The following TGFBR3 variants were observed in gnomAD, a reference collection of about 807,000 sequenced individuals.
TGFBR3 encodes transforming growth factor beta receptor 3.
A neutral mutation model predicts 87.9 loss-of-function variants in TGFBR3; 46 were observed. The observed-to-expected ratio is 0.52, with a 90% CI of 0.41 to 0.67. The LOEUF (loss-of-function observed/expected upper bound fraction) is 0.67. Among genes scored for constraint, TGFBR3 ranks in the 30% least tolerant of loss-of-function variants. TGFBR3 has a pLI of 0.00. For missense variants in TGFBR3, 866 were observed against 1,041.9 expected (o/e 0.83, Z 2.32); for synonymous variants, 381 against 391.6 (o/e 0.97, Z 0.32).
intron 13 of TGFBR3, among the ~76,000 whole-genome samples, chr1:91,710,145 G>A (rs942132584): frequency 6.6e-5 from 10 of 152,168 alleles, no homozygotes; most frequent in Admixed American, 4.6e-4. Flanking sequence ...ATCCCAAAAA[G>A]CTAATCAAGT....
intron 6 of TGFBR3, 158 bp from the exon 7 acceptor site, chr1:91,727,964 G>A (rs1672606777): frequency 1.3e-6 from 1 of 754,562 alleles, no homozygotes; most frequent in Non-Finnish European, 2.2e-6. Flanking sequence ...GATTGTTACT[G>A]CACACATAAC....
At chr1:91,833,274 C>T (rs1348321982) in intron 2 of TGFBR3, among the ~76,000 whole-genome samples, 11 of 113,846 alleles carry the variant, frequency 9.7e-5, no homozygotes, top group African/African-American at 3.2e-4. Context: ...CCAGCCCAGG[C>T]GACAGTAGGA....
At chr1:91,740,220 C>T (rs191503224) in intron 4 of TGFBR3, among the ~76,000 whole-genome samples, 26 of 151,922 alleles carry the variant, frequency 1.7e-4, no homozygotes, top group South Asian at 4.2e-4. Context: ...CCACCACATC[C>T]GGCTAATTTT....
chr1:91,753,614 C>T (rs542758717), intron 4 of TGFBR3, among the ~76,000 whole-genome samples: 19 of 152,106 alleles, frequency 1.2e-4, no homozygotes, highest in African/African-American at 4.6e-4. Flanking sequence ...CCATTTTCCC[C>T]TCCCATCAGC....
chr1:91,775,436 T>C (rs1239396225), intron 3 of TGFBR3, among the ~76,000 whole-genome samples: 2 of 152,232 alleles, frequency 1.3e-5, no homozygotes, highest in African/African-American at 2.4e-5. Flanking sequence ...ATTTGGCCTC[T>C]TCTTCACCCA....
At chr1:91,787,689 C>G (rs933018682) in intron 3 of TGFBR3, among the ~76,000 whole-genome samples, 1 of 152,250 alleles carries the variant, frequency 6.6e-6, no homozygotes, top group African/African-American at 2.4e-5. Flanking sequence ...TCAAGAACCC[C>G]CGAGGTTAGG....
At chr1:91,771,153 C>T (rs1422653247) in intron 3 of TGFBR3, among the ~76,000 whole-genome samples, 4 of 152,126 alleles carry the variant, frequency 2.6e-5, no homozygotes, top group Non-Finnish European at 4.4e-5. Context: ...GGTTAATAAG[C>T]GTGAAGTTAC....
At chr1:91,864,417 C>T (rs1015402886) in intron 1 of TGFBR3, 3 of 152,224 alleles carry the variant, frequency 2.0e-5, no homozygotes, top group Non-Finnish European at 4.4e-5. Flanking sequence ...CAAAGGCAAA[C>T]CACAGCAAGT....
chr1:91,884,913 T>A (rs989369697), intron 1 of TGFBR3, among the ~76,000 whole-genome samples: 1 of 152,244 alleles, frequency 6.6e-6, no homozygotes, highest in African/African-American at 2.4e-5. Context: ...AGAATACGCC[T>A]GGTTCCCCAG....
intron 16 of TGFBR3, among the ~76,000 whole-genome samples, chr1:91,690,164 G>A (rs553090382): frequency 6.6e-6 from 1 of 152,238 alleles, no homozygotes; most frequent in African/African-American, 2.4e-5. Flanking sequence ...GGTGGCATCA[G>A]GCACCTCTGG....
At chr1:91,870,127 T>C (rs1557754410) in intron 1 of TGFBR3, among the ~76,000 whole-genome samples, 1 of 152,226 alleles carries the variant, frequency 6.6e-6, no homozygotes. Flanking sequence ...ATGCAGTATC[T>C]TCCCAACAAT....
At chr1:91,741,184 G>A (rs1054331425) in intron 4 of TGFBR3, among the ~76,000 whole-genome samples, 2 of 152,240 alleles carry the variant, frequency 1.3e-5, no homozygotes, top group Admixed American at 1.3e-4. Flanking sequence ...GCTTCTGATA[G>A]TGGGGCTATA....
At chr1:91,826,015 G>C (rs555515445) in intron 2 of TGFBR3, among the ~76,000 whole-genome samples, 2 of 151,210 alleles carry the variant, frequency 1.3e-5, no homozygotes, top group Admixed American at 1.3e-4. Flanking sequence ...AGCAATGTTT[G>C]ATAAAAGTTA....
intron 2 of TGFBR3, among the ~76,000 whole-genome samples, chr1:91,827,965 G>A (rs1265437886): frequency 6.6e-6 from 1 of 152,116 alleles, no homozygotes; most frequent in African/African-American, 2.4e-5. Flanking sequence ...AACCACACTG[G>A]GTAACTATGA....
Position 91,716,398 on chromosome 1 carries a change from G to A in TGFBR3, c.1708-4C>T. On this transcript the variant is annotated splice_polypyrimidine_tract_variant and splice_region_variant and intron_variant, in intron 11 of 16. Coordinates refer to ENST00000212355, the MANE Select transcript of TGFBR3 (RefSeq NM_003243.5). ...CCTGCTGAAGGCTGCAATTAAACTGGAAATAACAACCCACAGGAAGATTAA... is the reference window on the plus strand; with the variant it reads ...CCTGCTGAAGGCTGCAATTAAACTGAAAATAACAACCCACAGGAAGATTAA... 6.2e-7 allele frequency: 1 copy of A among 1,614,148 alleles called. No homozygotes were observed. Among genetic ancestry groups the A allele is most frequent in the Non-Finnish European group, 8.5e-7 (1 of 1,179,998 alleles).
intron 4 of TGFBR3, 46 bp from the exon 5 acceptor site, chr1:91,735,005 G>A (rs200914669): frequency 1.2e-6 from 2 of 1,602,486 alleles, no homozygotes; most frequent in Admixed American, 3.3e-5. Flanking sequence ...AGTCACCGGA[G>A]CTGAATCATA....
rs1321952175 is a variant in TGFBR3 at position 91,729,075 on chromosome 1, C to T, written c.737+730G>A. The stretch of plus-strand genomic sequence containing the variant: ...ACACACACACACACACACACACACA[C>T]ACCAAGCACACAAGGGAGAGGCAAG... On this transcript the variant is annotated intron_variant, in intron 6 of 16. Coordinates refer to ENST00000212355, the MANE Select transcript of TGFBR3 (RefSeq NM_003243.5). Among the ~76,000 whole-genome samples the T allele has an allele frequency of 2.0e-5, 2 of 98,264 alleles. 1 individual carries two copies. The highest frequency in any genetic ancestry group is 6.7e-4 in the East Asian group (2 of 2,982). 64.5% of individuals were successfully genotyped at this position (98,264 alleles called of 152,430 possible).
At chr1:91,850,947 T>G (rs1045747691) in intron 2 of TGFBR3, among the ~76,000 whole-genome samples, 1 of 152,102 alleles carries the variant, frequency 6.6e-6, no homozygotes, top group African/African-American at 2.4e-5. Context: ...TCTTCTGGAC[T>G]AGGACGCAGT....
In TGFBR3 at chr1:91,695,658, A is replaced by G. The variant is rs771226567; in HGVS notation, c.2437+14T>C. The G allele has an allele frequency of 1.2e-6, 2 of 1,605,548 alleles. No homozygotes were observed. Among genetic ancestry groups the G allele is most frequent in the Admixed American group, 1.7e-5 (1 of 59,996 alleles). The stretch of plus-strand genomic sequence containing the variant: ...CAAGCTGTTCACCAACTCTTACTCA[A>G]CAGTCACACTAACCTGTGTGAGAAT... On this transcript the variant is annotated intron_variant, in intron 16 of 16. Coordinates refer to ENST00000212355, the MANE Select transcript of TGFBR3 (RefSeq NM_003243.5).
Sources: gnomAD v4.1 joint callset for allele counts (sites outside exome capture counted in the v4.1 genomes callset) on GRCh38, gnomAD v4.1.1 for gene constraint, MANE v1.5 for transcripts, NCBI Gene and HGNC (gene_info 2026-07-23, HGNC 2026-07-21) for gene names.